ZNF99: variants seen among roughly 807,000 people sequenced by gnomAD.
The protein encoded by ZNF99 is zinc finger protein ENSP00000375192.
Under a neutral mutation model 12.8 loss-of-function variants are expected in ZNF99, and 8 were observed. That is an observed-to-expected ratio of 0.62 (90% CI 0.37 to 1.13). The LOEUF is 1.13. ZNF99 is among the 50% of genes most tolerant of loss of function. ZNF99 has a pLI of 0.02. For missense variants in ZNF99, 1,007 were observed against 1,006.2 expected, an observed-to-expected ratio of 1.00 and a Z score of -0.01; for synonymous variants, 318 against 319.0, an observed-to-expected ratio of 1.00 and a Z score of 0.03.
intron 1 of ZNF99, among the ~76,000 whole-genome samples, chr19:22,780,185 A>G (rs1394274719): frequency 6.6e-6 from 1 of 152,196 alleles, no homozygotes; most frequent in African/African-American, 2.4e-5. Flanking sequence ...GCCTTAGCTT[A>G]GAGTCACTGG....
At chr19:22,778,126 A>G (rs1475961675) in intron 1 of ZNF99, among the ~76,000 whole-genome samples, 2 of 150,684 alleles carry the variant, frequency 1.3e-5, no homozygotes, top group East Asian at 2.0e-4. Flanking sequence ...ACAAACCTGC[A>G]TGTTGTGCAC....
chr19:22,758,247 T>C lies in ZNF99; in HGVS notation c.1662A>G (p.Lys554=), dbSNP rs772381287. The C allele has an allele frequency of 1.2e-6, 2 of 1,600,678 alleles. No homozygotes were observed. The highest frequency in any genetic ancestry group is 1.1e-5 in the South Asian group (1 of 90,220). The change falls in exon 4 of 4, where the codon AAA becomes AAG. Residue 554 remains lysine, a synonymous_variant. Transcript: ENST00000596209. ...TCTTCCCAGTATGAATTATCTTATGTTTCATAAGGGTTGAGGAATTGTTAA... is the reference window on the plus strand; with the variant it reads ...TCTTCCCAGTATGAATTATCTTATGCTTCATAAGGGTTGAGGAATTGTTAA... ...KAFNNSSTLM[K]HKIIHTGKKP...
chr19:22,775,212 G>T (rs1000811849), intron 1 of ZNF99, among the ~76,000 whole-genome samples: 1 of 152,084 alleles, frequency 6.6e-6, no homozygotes, highest in Non-Finnish European at 1.5e-5. Flanking sequence ...ACAAGAAACA[G>T]ACTTATAGAA....
Position 22,784,119 on chromosome 19 carries a change from T to G in ZNF99, c.-103A>C. On this transcript the variant is annotated 5_prime_UTR_variant, in exon 1 of 4. Coordinates refer to ENST00000596209, the MANE Select transcript of ZNF99 (RefSeq NM_001080409.3). ...AGGACACAGAGCAGTAAAAACGAGA[T>G]CCGGAGCTCCAGCTGGAACCAGAAA... 1 of 1,339,688 alleles carries G rather than the reference T, an allele frequency of 7.5e-7. No homozygotes were observed. Among genetic ancestry groups the G allele is most frequent in the Non-Finnish European group, 1.0e-6 (1 of 961,942 alleles). 83.0% of individuals were successfully genotyped at this position (1,339,688 alleles called of 1,614,324 possible). A position where few individuals can be genotyped will look rare whatever the true frequency, so the allele number is the denominator to read the frequency against.
At position 22,758,621 on chromosome 19, in the gene ZNF99, A is replaced by C; in HGVS notation, c.1288T>G (p.Cys430Gly). ...TAEKPCKCEE[C>G]GKAFKRFSAL... ...GAGAAACGCTTAAAAGCTTTGCCAC[A>C]TTCTTCACATTTGCAGGGTTTCTCT... is the stretch of plus-strand genomic sequence containing the variant. The change falls in exon 4 of 4, where the codon TGT becomes GGT. Residue 430 changes from cysteine (C) to glycine (G), a missense_variant. By Grantham distance (159) the Cys-to-Gly change is radical. Transcript: ENST00000596209. 1 of 1,613,346 alleles carries C rather than the reference A, an allele frequency of 6.2e-7. No individual in the cohort carries two copies. The highest frequency in any genetic ancestry group is 8.5e-7 in the Non-Finnish European group (1 of 1,179,722).
At position 22,784,112 on chromosome 19, in the gene ZNF99, A is replaced by G. The variant is rs1014038749; in HGVS notation, c.-96T>C. The G allele has an allele frequency of 1.3e-5, 19 of 1,423,198 alleles. No individual in the cohort carries two copies. The African/African-American group carries it at 2.4e-4, about 18-fold the overall frequency. 88.2% of individuals were successfully genotyped at this position (1,423,198 alleles called of 1,614,324 possible). ...GAGGCTAAGGACACAGAGCAGTAAA[A>G]ACGAGATCCGGAGCTCCAGCTGGAA... is the stretch of plus-strand genomic sequence containing the variant. On this transcript the variant is annotated 5_prime_UTR_variant, in exon 1 of 4. Coordinates refer to ENST00000596209, the MANE Select transcript of ZNF99 (RefSeq NM_001080409.3).
chr19:22,776,448 T>G (rs1342640689), intron 1 of ZNF99, among the ~76,000 whole-genome samples: 1 of 49,806 alleles, frequency 2.0e-5, no homozygotes, highest in African/African-American at 8.7e-5. Flanking sequence ...TATATATATA[T>G]ATATATATAT....
chr19:22,784,096 G>A lies in ZNF99; in HGVS notation c.-80C>T, dbSNP rs1973421608. The A allele has an allele frequency of 1.9e-6, 3 of 1,539,362 alleles. No individual in the cohort carries two copies. The highest frequency in any genetic ancestry group is 1.1e-5 in the South Asian group (1 of 87,696). ...AGGTCACAGGGCCACAGAGGCTAAG[G>A]ACACAGAGCAGTAAAAACGAGATCC... On this transcript the variant is annotated 5_prime_UTR_variant, in exon 1 of 4. Coordinates refer to ENST00000596209, the MANE Select transcript of ZNF99 (RefSeq NM_001080409.3).
chr19:22,756,570 T>C lies in ZNF99; in HGVS notation c.*744A>G. On this transcript the variant is annotated 3_prime_UTR_variant, in exon 4 of 4. Transcript: ENST00000596209. ...TCTCTCCAGTATGAATTGATTTATGTTTAGTAAGGTGTGAGGATTGCTTAA... is the reference window on the plus strand; with the variant it reads ...TCTCTCCAGTATGAATTGATTTATGCTTAGTAAGGTGTGAGGATTGCTTAA... 6.3e-7 allele frequency: 1 copy of C among 1,599,706 alleles called. No individual in the cohort carries two copies. The highest frequency in any genetic ancestry group is 8.5e-7 in the Non-Finnish European group (1 of 1,176,254).
chr19:22,763,826 A>G (rs1366842316), intron 3 of ZNF99, among the ~76,000 whole-genome samples: 1 of 151,888 alleles, frequency 6.6e-6, no homozygotes, highest in Non-Finnish European at 1.5e-5. Flanking sequence ...AATAAACCCA[A>G]ATATTACAGC....
At position 22,783,375 on chromosome 19, in the gene ZNF99, A is replaced by C. The variant is rs927365588; in HGVS notation, c.3+639T>G. Among the ~76,000 whole-genome samples the C allele has an allele frequency of 4.9e-4, 74 of 152,158 alleles. 1 individual carries two copies. Among genetic ancestry groups the C allele is most frequent in the Admixed American group, 4.8e-3 (74 of 15,270 alleles). ...ACAAAATTCAGGCTTAACCAACTATAAACTACAATTAACCTCTGATTATAT... is the reference window on the plus strand; with the variant it reads ...ACAAAATTCAGGCTTAACCAACTATCAACTACAATTAACCTCTGATTATAT... On this transcript the variant is annotated intron_variant, in intron 1 of 3. Transcript: ENST00000596209.
At chr19:22,766,800 C>T (rs75231787) in intron 3 of ZNF99, among the ~76,000 whole-genome samples, 12,754 of 151,200 alleles carry the variant, frequency 0.084, 566 homozygotes, top group Middle Eastern at 0.11. Flanking sequence ...TACAGGCATG[C>T]GCCACCACGC....
chr19:22,783,213 G>A (rs899316122), intron 1 of ZNF99, among the ~76,000 whole-genome samples: 2 of 152,084 alleles, frequency 1.3e-5, no homozygotes, highest in Non-Finnish European at 2.9e-5. Flanking sequence ...CTGGGAGGCG[G>A]AAGTTGCGTT....
chr19:22,752,537 T>C lies in ZNF99; in HGVS notation c.*4777A>G, dbSNP rs972911819. 11 of 151,732 alleles carry C rather than the reference T, an allele frequency of 7.2e-5. No homozygotes were observed. Among genetic ancestry groups the C allele is most frequent in the African/African-American group, 2.7e-4 (11 of 41,348 alleles). 9.4% of individuals were successfully genotyped at this position (151,732 alleles called of 1,614,324 possible). ...AAAAATGTAACCTACGAGAACAATATTCTTTAATTTATTTGCAGGTTAAAG... is the reference window on the plus strand; with the variant it reads ...AAAAATGTAACCTACGAGAACAATACTCTTTAATTTATTTGCAGGTTAAAG... On this transcript the variant is annotated 3_prime_UTR_variant, in exon 4 of 4. Transcript: ENST00000596209.
Position 22,756,389 on chromosome 19 carries a change from G to C in ZNF99, c.*925C>G. The C allele has an allele frequency of 6.3e-7, 1 of 1,590,500 alleles. No individual in the cohort carries two copies. The highest frequency in any genetic ancestry group is 8.5e-7 in the Non-Finnish European group (1 of 1,170,076). On this transcript the variant is annotated 3_prime_UTR_variant, in exon 4 of 4. Transcript: ENST00000596209. ...TTCACATTTGTAGGGTTTCTCTCCA[G>C]AATGAATTATCTTATGTTTAGTAAG... is the stretch of plus-strand genomic sequence containing the variant.
Position 22,784,082 on chromosome 19 carries a change from C to T in ZNF99, c.-66G>A. On this transcript the variant is annotated 5_prime_UTR_variant, in exon 1 of 4. Transcript: ENST00000596209. ...CTCCAAATACCTACAGGTCACAGGG[C>T]CACAGAGGCTAAGGACACAGAGCAG... The T allele has an allele frequency of 6.3e-7, 1 of 1,588,162 alleles. No individual in the cohort carries two copies.
At chr19:22,769,546 T>C (rs1268809611) in intron 1 of ZNF99, among the ~76,000 whole-genome samples, 2 of 151,980 alleles carry the variant, frequency 1.3e-5, no homozygotes, top group Non-Finnish European at 2.9e-5. Context: ...GGCAGGAAGA[T>C]CACGAAGTCA....
chr19:22,775,718 A>C (rs1973317991), intron 1 of ZNF99, among the ~76,000 whole-genome samples: 1 of 152,206 alleles, frequency 6.6e-6, no homozygotes, highest in Non-Finnish European at 1.5e-5. Context: ...GAAACAAACA[A>C]CCTCCTTAAA....
chr19:22,776,406 A>AAGATAT (rs1568387931), intron 1 of ZNF99, among the ~76,000 whole-genome samples: 4 of 91,768 alleles, frequency 4.4e-5, no homozygotes, highest in African/African-American at 1.3e-4. Context: ...TTTCCAAAAT[A>AAGATAT]AGATATATAT....
Sources: gnomAD v4.1 joint callset for allele counts (sites outside exome capture counted in the v4.1 genomes callset) on GRCh38, gnomAD v4.1.1 for gene constraint, MANE v1.5 for transcripts, NCBI Gene and HGNC (gene_info 2026-07-23, HGNC 2026-07-21) for gene names.